Variants in ANO4 observed in about 807,000 individuals in gnomAD.
ANO4 encodes anoctamin 4.
ANO4 carries 69 observed loss-of-function variants against 141.9 expected under a neutral mutation model. The ratio of observed to expected loss-of-function variants is 0.49; its 90% confidence interval spans 0.40 to 0.59. The LOEUF (loss-of-function observed/expected upper bound fraction) is 0.59. Ranked by LOEUF, ANO4 falls within the 20% of genes least tolerant of loss-of-function variation. The pLI is 0.00. For missense variants in ANO4, 894 were observed against 1,162.2 expected (o/e 0.77, Z 3.36); for synonymous variants, 350 against 394.3 (o/e 0.89, Z 1.33).
chr12:100,743,745 C>T (rs116096588), intron 3 of ANO4, among the ~76,000 whole-genome samples: 4,393 of 152,222 alleles, frequency 0.029, 206 homozygotes, highest in African/African-American at 0.099. Context: ...TGGGAGTACA[C>T]GTGCAGGTTT....
chr12:101,008,225 A>G (rs1438712529), intron 8 of ANO4, among the ~76,000 whole-genome samples: 1 of 152,152 alleles, frequency 6.6e-6, no homozygotes, highest in Non-Finnish European at 1.5e-5. Flanking sequence ...TTAGACATGT[A>G]TACATTTTAA....
chr12:100,760,455 G>GGGC (rs1368736448), intron 3 of ANO4, among the ~76,000 whole-genome samples: 1 of 152,178 alleles, frequency 6.6e-6, no homozygotes, highest in African/African-American at 2.4e-5. Flanking sequence ...GAGGTGAAGA[G>GGGC]GGCGCTGGTC....
chr12:100,820,708 C>T (rs972372917), intron 1 of ANO4, among the ~76,000 whole-genome samples: 6 of 152,074 alleles, frequency 3.9e-5, no homozygotes, highest in Non-Finnish European at 8.8e-5. Context: ...TGAACTACCT[C>T]CACCAGTGGG....
At chr12:101,088,702 T>C (rs2136912192) in intron 17 of ANO4, among the ~76,000 whole-genome samples, 1 of 152,162 alleles carries the variant, frequency 6.6e-6, no homozygotes, top group East Asian at 1.9e-4. Context: ...GGCTCATGCC[T>C]GTAATCCCAG....
chr12:101,043,705 C>A, intron 13 of ANO4, 70 bp downstream of exon 13: 1 of 1,123,558 alleles, frequency 8.9e-7, no homozygotes, highest in Non-Finnish European at 1.3e-6. Context: ...TGGTGGGTAA[C>A]TCTATTCTGT....
intron 6 of ANO4, among the ~76,000 whole-genome samples, chr12:100,972,707 A>G (rs2043982876): frequency 6.6e-6 from 1 of 152,224 alleles, no homozygotes; most frequent in African/African-American, 2.4e-5. Context: ...GTGGATTAAT[A>G]CCATATTATA....
intron 3 of ANO4, among the ~76,000 whole-genome samples, chr12:100,784,205 C>A (rs1405545241): frequency 1.3e-5 from 2 of 152,302 alleles, no homozygotes; most frequent in South Asian, 4.1e-4. Context: ...TACCTTCTGG[C>A]CATAATGTTA....
chr12:101,033,408 GTA>G (rs961452159), intron 9 of ANO4, among the ~76,000 whole-genome samples: 6 of 151,930 alleles, frequency 3.9e-5, no homozygotes, highest in Admixed American at 3.3e-4. Context: ...CATGTCACAT[GTA>G]TATATATGTA....
chr12:101,039,974 A>T lies in ANO4; in HGVS notation c.917A>T (p.Asn306Ile), dbSNP rs2047351369. Residue 306 changes from asparagine (N) to isoleucine (I), a missense_variant, in exon 11 of 28, where the codon AAC becomes ATC. Physicochemically the swap from Asn to Ile is moderately radical, Grantham distance 149. Coordinates refer to ENST00000392977, the MANE Select transcript of ANO4 (RefSeq NM_001286615.2). ...PLHEGSYRSK[N>I]SIRTHGAENH... ...TCCCAGGGAAGTTATAGAAGTAAAAACTCCATTCGAACCCATGGAGCAGAA... is the reference window on the plus strand; with the variant it reads ...TCCCAGGGAAGTTATAGAAGTAAAATCTCCATTCGAACCCATGGAGCAGAA... 5.0e-6 allele frequency: 8 copies of T among 1,611,746 alleles called. No individual in the cohort carries two copies. Among genetic ancestry groups the T allele is most frequent in the Non-Finnish European group, 6.8e-6 (8 of 1,178,606 alleles).
At chr12:100,921,084 T>C (rs1216733745) in intron 2 of ANO4, among the ~76,000 whole-genome samples, 2 of 152,138 alleles carry the variant, frequency 1.3e-5, no homozygotes, top group Non-Finnish European at 2.9e-5. Context: ...TCTGTTGTTT[T>C]GGTTTTATAA....
intron 9 of ANO4, among the ~76,000 whole-genome samples, chr12:101,027,828 G>C (rs1057258924): frequency 1.3e-5 from 2 of 152,066 alleles, no homozygotes; most frequent in Admixed American, 6.6e-5. Context: ...CAGTGAAAAT[G>C]CTTCATTAAA....
At chr12:100,743,920 G>A (rs1361771801) in intron 3 of ANO4, among the ~76,000 whole-genome samples, 1 of 152,214 alleles carries the variant, frequency 6.6e-6, no homozygotes, top group East Asian at 1.9e-4. Flanking sequence ...GTGTGTCCAT[G>A]TTAACATGCA....
Position 101,111,629 on chromosome 12 carries a change from C to T in ANO4, c.2369C>T (p.Ala790Val), listed in dbSNP as rs763712389. Residue 790 changes from alanine to valine, a missense_variant, in exon 24 of 28, where the codon GCG becomes GTG. Physicochemically the swap from Ala to Val is moderately conservative, Grantham distance 64. This residue lies in a region of ANO4 where 637 missense variants were observed against 909.2 expected (regional missense o/e 0.70). Transcript: ENST00000392977. ...GTTATCACAAATGCATTTGTCATAGCGATAACATCTGACTTTATCCCTCGC... is the reference window on the plus strand; with the variant it reads ...GTTATCACAAATGCATTTGTCATAGTGATAACATCTGACTTTATCCCTCGC... ...LSVITNAFVI[A>V]ITSDFIPRLV... is the part of the protein sequence containing the mutation. The T allele has an allele frequency of 2.6e-5, 42 of 1,612,126 alleles. No homozygotes were observed. The highest frequency in any genetic ancestry group is 5.0e-5 in the Admixed American group (3 of 59,780).
At chr12:100,905,798 G>A (rs1488595622) in intron 2 of ANO4, among the ~76,000 whole-genome samples, 1 of 152,176 alleles carries the variant, frequency 6.6e-6, no homozygotes, top group African/African-American at 2.4e-5. Context: ...AATTTGTGAT[G>A]TGGGCATCAG....
chr12:100,941,473 GTCTT>G (rs1305735942), intron 4 of ANO4, among the ~76,000 whole-genome samples: 2 of 152,016 alleles, frequency 1.3e-5, no homozygotes, highest in Non-Finnish European at 2.9e-5. Context: ...TATCAGTGTT[GTCTT>G]TAAGATTCAT....
At chr12:101,054,126 GC>G (rs1164428000) in intron 14 of ANO4, among the ~76,000 whole-genome samples, 1 of 152,182 alleles carries the variant, frequency 6.6e-6, no homozygotes, top group African/African-American at 2.4e-5. Context: ...TTTATAATAT[GC>G]AAAATTTGTG....
chr12:100,746,065 G>T (rs1173688680), intron 3 of ANO4, among the ~76,000 whole-genome samples: 1 of 152,166 alleles, frequency 6.6e-6, no homozygotes, highest in Non-Finnish European at 1.5e-5. Flanking sequence ...TCACTGGAGA[G>T]GGAGGTCAGC....
chr12:100,873,507 C>T (rs778319569), intron 1 of ANO4, among the ~76,000 whole-genome samples: 1 of 152,166 alleles, frequency 6.6e-6, no homozygotes, highest in Non-Finnish European at 1.5e-5. Flanking sequence ...TATCATGCCC[C>T]TGCCCTAGAG....
intron 14 of ANO4, among the ~76,000 whole-genome samples, chr12:101,061,131 G>A (rs893650308): frequency 1.3e-5 from 2 of 152,026 alleles, no homozygotes; most frequent in Non-Finnish European, 2.9e-5. Context: ...TTTCTCCTAC[G>A]CTTACGAAGC....
Sources: gnomAD v4.1 joint callset for allele counts (sites outside exome capture counted in the v4.1 genomes callset) on GRCh38, gnomAD v4.1.1 for gene constraint, gnomAD v4.1.1 regional missense constraint, MANE v1.5 for transcripts, NCBI Gene and HGNC (gene_info 2026-07-23, HGNC 2026-07-21) for gene names.